The following HABP4 variants were observed in gnomAD, a reference collection of about 807,000 sequenced individuals.
HABP4 encodes intracellular hyaluronan-binding protein 4.
Under a neutral mutation model 44.1 loss-of-function variants are expected in HABP4, and 32 were observed. That is an observed-to-expected ratio of 0.73 (90% CI 0.55 to 0.97). The LOEUF is 0.97. HABP4 is among the 50% of genes least tolerant of loss of function. The pLI, the probability that HABP4 is intolerant of heterozygous loss-of-function variation, is 0.00. For missense variants in HABP4, 503 were observed against 561.9 expected (o/e 0.90, Z 1.06); for synonymous variants, 216 against 218.0 (o/e 0.99, Z 0.08).
At chr9:96,458,628 T>TTC in intron 2 of HABP4, 87 bp downstream of exon 2, 5 of 445,504 alleles carry the variant, frequency 1.1e-5, no homozygotes, top group Non-Finnish European at 1.7e-5. Flanking sequence ...CTTTCTTTCT[T>TTC]TTTTTTTTTT....
At chr9:96,463,323 C>T (rs1314580777) in intron 2 of HABP4, among the ~76,000 whole-genome samples, 3 of 152,016 alleles carry the variant, frequency 2.0e-5, no homozygotes, top group Non-Finnish European at 4.4e-5. Flanking sequence ...GGTGCCATCT[C>T]GGCTCACTGC....
chr9:96,464,338 C>T (rs1278801108), intron 2 of HABP4, among the ~76,000 whole-genome samples: 2 of 152,180 alleles, frequency 1.3e-5, no homozygotes, highest in Non-Finnish European at 1.5e-5. Context: ...GATCCTGCCA[C>T]TGCACTCCAG....
chr9:96,452,341 T>C (rs1832298696), intron 1 of HABP4, among the ~76,000 whole-genome samples: 1 of 152,208 alleles, frequency 6.6e-6, no homozygotes, highest in South Asian at 2.1e-4. Context: ...GTTAAGAATT[T>C]TAAGCAATTC....
At position 96,465,392 on chromosome 9, in the gene HABP4, G is replaced by T. The variant is rs755052240; in HGVS notation, c.568G>T (p.Gly190Trp). 6.2e-7 allele frequency: 1 copy of T among 1,609,248 alleles called. No individual in the cohort carries two copies. The highest frequency in any genetic ancestry group is 8.5e-7 in the Non-Finnish European group (1 of 1,175,530). Residue 190 changes from glycine to tryptophan, a missense_variant, in exon 3 of 8, where the codon GGG becomes TGG. Transcript: ENST00000375249. ...GTTGAGAGGACGTGGAGGCCCGAGA[G>T]GGGGTATGCGCGGCAGAGGCAGAGG... ...RPLRGRGGPR[G>W]GMRGRGRGGP...
At chr9:96,475,535 G>A (rs1018598396) in intron 5 of HABP4, among the ~76,000 whole-genome samples, 11 of 152,210 alleles carry the variant, frequency 7.2e-5, no homozygotes, top group African/African-American at 2.7e-4. Flanking sequence ...TCTCACACTG[G>A]GACAGAGGTT....
intron 4 of HABP4, among the ~76,000 whole-genome samples, chr9:96,469,476 T>C (rs562814220): frequency 4.6e-5 from 7 of 152,326 alleles, no homozygotes; most frequent in Admixed American, 3.9e-4. Context: ...AGTCAAAATA[T>C]AGACATGGGC....
At chr9:96,457,514 T>C (rs1022467457) in intron 1 of HABP4, among the ~76,000 whole-genome samples, 6 of 152,224 alleles carry the variant, frequency 3.9e-5, no homozygotes, top group African/African-American at 1.4e-4. Context: ...TCTATATATC[T>C]CATAGAATAG....
chr9:96,451,717 A>T (rs568356660), intron 1 of HABP4, among the ~76,000 whole-genome samples: 1 of 152,356 alleles, frequency 6.6e-6, no homozygotes, highest in South Asian at 2.1e-4. Flanking sequence ...TCAAGTCACT[A>T]CAATAAAGAT....
Position 96,475,392 on chromosome 9 carries a change from A to ACAAC in HABP4, c.827+4298_827+4299insCAAC, listed in dbSNP as rs1320887525. On this transcript the variant is annotated intron_variant, in intron 5 of 7. Coordinates refer to ENST00000375249, the MANE Select transcript of HABP4 (RefSeq NM_014282.4). ...CTCCGTCTCAACAACAACAACAACAAAAAAAAAAAAAAAAAGAAGAAAAAG... is the reference window on the plus strand; with the variant it reads ...CTCCGTCTCAACAACAACAACAACAACAACAAAAAAAAAAAAAAAGAAGAAAAAG... Among the ~76,000 whole-genome samples, 159 of 138,576 alleles carry ACAAC rather than the reference A, an allele frequency of 1.1e-3. 1 individual carries two copies. The highest frequency in any genetic ancestry group is 4.4e-3 in the African/African-American group (157 of 35,870). The allele number at this position is 138,576 out of a possible 152,430, so 90.9% of individuals were successfully genotyped here.
intron 1 of HABP4, among the ~76,000 whole-genome samples, chr9:96,454,187 C>T (rs950638000): frequency 6.6e-6 from 1 of 152,106 alleles, no homozygotes; most frequent in African/African-American, 2.4e-5. Flanking sequence ...GTGGGATAAG[C>T]ACCTATAAGT....
intron 6 of HABP4, 125 bp from the exon 7 acceptor site, chr9:96,487,964 A>G (rs1712648787): frequency 2.9e-6 from 2 of 698,858 alleles, no homozygotes; most frequent in Non-Finnish European, 5.1e-6. Flanking sequence ...ACAAATCCAG[A>G]GAATGGCTCT....
chr9:96,465,192 G>T (rs1028168357), intron 2 of HABP4, 145 bp from the exon 3 acceptor site: 8 of 650,902 alleles, frequency 1.2e-5, no homozygotes, highest in South Asian at 5.6e-5. Flanking sequence ...TATAGTATGC[G>T]CTCACTAAAG....
chr9:96,483,408 T>C (rs7031099), intron 5 of HABP4: 34,837 of 151,210 alleles, frequency 0.23, 5,021 homozygotes, highest in African/African-American at 0.41. Flanking sequence ...CAGTGTCTCA[T>C]TCTGTTGCCC....
chr9:96,462,908 T>C (rs957400353), intron 2 of HABP4, among the ~76,000 whole-genome samples: 3 of 151,910 alleles, frequency 2.0e-5, no homozygotes, highest in African/African-American at 7.3e-5. Context: ...GGCAACAGAG[T>C]GAGATACTGT....
At chr9:96,489,826 T>C (rs7854880) in intron 7 of HABP4, among the ~76,000 whole-genome samples, 156 bp from the exon 8 acceptor site, 1,822 of 152,304 alleles carry the variant, frequency 0.012, 36 homozygotes, top group African/African-American at 0.041. Flanking sequence ...TGTACTTTCC[T>C]GGGTTAGCAG....
At chr9:96,486,664 G>GA in intron 6 of HABP4, among the ~76,000 whole-genome samples, 1 of 152,034 alleles carries the variant, frequency 6.6e-6, no homozygotes, top group Middle Eastern at 3.4e-3. Context: ...TTTTAGCTAG[G>GA]AATTGTTCTT....
chr9:96,474,325 AT>A (rs1166607609), intron 5 of HABP4, among the ~76,000 whole-genome samples: 1 of 152,262 alleles, frequency 6.6e-6, no homozygotes, highest in Non-Finnish European at 1.5e-5. Context: ...TCAGGAGAAC[AT>A]TATATCCTTT....
intron 5 of HABP4, among the ~76,000 whole-genome samples, chr9:96,471,469 C>T (rs1832697520): frequency 6.6e-6 from 1 of 152,086 alleles, no homozygotes; most frequent in African/African-American, 2.4e-5. Context: ...GAGCTCTTCA[C>T]AGACTGGGAA....
intron 1 of HABP4, among the ~76,000 whole-genome samples, chr9:96,454,740 G>A (rs967829035): frequency 1.3e-5 from 2 of 152,058 alleles, no homozygotes; most frequent in Non-Finnish European, 2.9e-5. Flanking sequence ...GAGCCACCGC[G>A]CCTGGCCCCA....
Sources: allele counts gnomAD v4.1 joint callset (sites outside exome capture counted in the v4.1 genomes callset), GRCh38; gene constraint gnomAD v4.1.1; transcripts MANE v1.5; gene names NCBI Gene and HGNC (gene_info 2026-07-23, HGNC 2026-07-21).